The following METTL16 variants were observed in gnomAD, a reference collection of about 807,000 sequenced individuals.
The protein encoded by METTL16 is methyltransferase 16, RNA N6-adenosine.
In METTL16, 19 loss-of-function variants were observed where a neutral mutation model predicts 57.9. The observed-to-expected ratio is 0.33, with a 90% CI of 0.23 to 0.48. The LOEUF is 0.48. Ranked by LOEUF, METTL16 falls within the 20% of genes least tolerant of loss-of-function variation. The probability of loss-of-function intolerance (pLI) is 0.99; values close to 1 mark genes in which losing one functional copy is unlikely to be tolerated. For synonymous variants in METTL16, 246 were observed against 255.6 expected (o/e 0.96, Z 0.36); for missense variants, 434 against 691.5 (o/e 0.63, Z 4.18).
chr17:2,496,849 C>T (rs2067449556), intron 2 of METTL16, among the ~76,000 whole-genome samples: 1 of 151,534 alleles, frequency 6.6e-6, no homozygotes, highest in African/African-American at 2.4e-5. Context: ...TTCCACCTTC[C>T]ACCCTGTGAG....
At chr17:2,462,459 C>A (rs564735961) in intron 6 of METTL16, among the ~76,000 whole-genome samples, 1 of 152,272 alleles carries the variant, frequency 6.6e-6, no homozygotes, top group East Asian at 1.9e-4. Flanking sequence ...GATGGCGATA[C>A]GGTTTGGATT....
chr17:2,502,705 G>A (rs1029232954), intron 1 of METTL16, among the ~76,000 whole-genome samples: 1 of 151,828 alleles, frequency 6.6e-6, no homozygotes, highest in Non-Finnish European at 1.5e-5. Flanking sequence ...AAAAAAATCA[G>A]TGGGGAAAGC....
chr17:2,504,476 C>T (rs2151580877), intron 1 of METTL16, among the ~76,000 whole-genome samples: 1 of 152,126 alleles, frequency 6.6e-6, no homozygotes, highest in Middle Eastern at 3.4e-3. Flanking sequence ...CCTTTAAGAG[C>T]ATCAAAGTGA....
At chr17:2,449,473 G>T (rs1298203175) in intron 6 of METTL16, among the ~76,000 whole-genome samples, 1 of 152,070 alleles carries the variant, frequency 6.6e-6, no homozygotes, top group Non-Finnish European at 1.5e-5. Context: ...CTCCCAACGT[G>T]CTGGGATTAC....
At chr17:2,466,299 G>C (rs147568664) in intron 5 of METTL16, among the ~76,000 whole-genome samples, 2 of 151,826 alleles carry the variant, frequency 1.3e-5, no homozygotes, top group African/African-American at 2.4e-5. Context: ...GGTCCAATGA[G>C]AAGAAAATCA....
chr17:2,422,483 G>A (rs1002833369), intron 8 of METTL16, among the ~76,000 whole-genome samples: 6 of 151,856 alleles, frequency 4.0e-5, no homozygotes, highest in Non-Finnish European at 5.9e-5. Flanking sequence ...GGTTTCAAGC[G>A]ATTCTCCTGC....
chr17:2,492,369 T>G (rs1156274040), intron 2 of METTL16, among the ~76,000 whole-genome samples: 1 of 148,468 alleles, frequency 6.7e-6, no homozygotes, highest in Admixed American at 6.6e-5. Context: ...CAGATATGAT[T>G]ATAACAAAGC....
At chr17:2,495,963 A>C (rs2067442176) in intron 2 of METTL16, among the ~76,000 whole-genome samples, 3 of 151,114 alleles carry the variant, frequency 2.0e-5, no homozygotes, top group Non-Finnish European at 2.9e-5. Context: ...TACAAAAATT[A>C]TTTGGGCGTG....
At chr17:2,488,262 A>C (rs552421531) in intron 2 of METTL16, among the ~76,000 whole-genome samples, 2 of 152,330 alleles carry the variant, frequency 1.3e-5, no homozygotes, top group Admixed American at 1.3e-4. Flanking sequence ...GCCTTTAAAA[A>C]GAAGGAAATC....
intron 2 of METTL16, among the ~76,000 whole-genome samples, chr17:2,483,145 C>T (rs1224082764): frequency 6.6e-6 from 1 of 151,976 alleles, no homozygotes; most frequent in Non-Finnish European, 1.5e-5. Context: ...TTACAATAAA[C>T]TGTTTTAAAC....
At chr17:2,422,940 G>A (rs1009549274) in intron 8 of METTL16, among the ~76,000 whole-genome samples, 3 of 152,058 alleles carry the variant, frequency 2.0e-5, no homozygotes, top group Admixed American at 1.3e-4. Context: ...ATGAGATTGC[G>A]CCACTGCACT....
intron 2 of METTL16, 92 bp from the exon 3 acceptor site, chr17:2,477,977 C>G (rs1772547092): frequency 2.0e-6 from 2 of 1,012,498 alleles, no homozygotes; most frequent in African/African-American, 1.6e-5. Context: ...AAATACCCAT[C>G]CGAACCTCCC....
At position 2,418,403 on chromosome 17, in the gene METTL16, C is replaced by G. The variant is rs1355787085; in HGVS notation, c.*1567G>C. 6.6e-6 allele frequency: 1 copy of G among 152,208 alleles called. No individual in the cohort carries two copies. The highest frequency in any genetic ancestry group is 2.4e-5 in the African/African-American group (1 of 41,438). The allele number at this position is 152,208 out of a possible 1,614,324, so 9.4% of individuals were successfully genotyped here. On this transcript the variant is annotated 3_prime_UTR_variant, in exon 10 of 10. Coordinates refer to ENST00000263092, the MANE Select transcript of METTL16 (RefSeq NM_024086.4). ...ATCATGAGTTCGAGATTAGCCTGGCCAACATGGTGAAATCCCATCTCTACC... is the reference window on the plus strand; with the variant it reads ...ATCATGAGTTCGAGATTAGCCTGGCGAACATGGTGAAATCCCATCTCTACC...
At chr17:2,485,131 G>A (rs1298624598) in intron 2 of METTL16, among the ~76,000 whole-genome samples, 1 of 152,040 alleles carries the variant, frequency 6.6e-6, no homozygotes, top group Non-Finnish European at 1.5e-5. Flanking sequence ...CCTCAGCTCC[G>A]CCTCCTGTCA....
At chr17:2,504,080 C>T (rs1027525318) in intron 1 of METTL16, among the ~76,000 whole-genome samples, 1 of 152,078 alleles carries the variant, frequency 6.6e-6, no homozygotes, top group Non-Finnish European at 1.5e-5. Context: ...CATGGAAGAA[C>T]CCTGAAAACA....
intron 2 of METTL16, among the ~76,000 whole-genome samples, chr17:2,491,495 T>C (rs902584545): frequency 2.0e-5 from 3 of 152,198 alleles, no homozygotes; most frequent in African/African-American, 7.2e-5. Flanking sequence ...GGTTGGTTTC[T>C]AGTCTTTAGA....
Position 2,420,132 on chromosome 17 carries a change from TC to T in METTL16, c.1526del (p.Gly509GlufsTer11), listed in dbSNP as rs1344727929. ...PVAERGKRLP[G>X]VAGQYLFKCL... The stretch of plus-strand genomic sequence containing the variant: ...ACTTAAACAGGTACTGTCCGGCCAC[TC>T]CTGGGAGACGTTTCCCCCTTTCAGC... On this transcript the variant is annotated frameshift_variant, in exon 10 of 10. Coordinates refer to ENST00000263092, the MANE Select transcript of METTL16 (RefSeq NM_024086.4). LOFTEE classifies it high-confidence loss of function. This position sits in a 1 kb window ranked among gnomAD's most constrained non-coding sequence, Gnocchi z 5.4. The T allele has an allele frequency of 6.2e-7, 1 of 1,614,124 alleles. No homozygotes were observed. The highest frequency in any genetic ancestry group is 1.3e-5 in the African/African-American group (1 of 74,934).
At chr17:2,441,789 C>T (rs2066954064) in intron 6 of METTL16, among the ~76,000 whole-genome samples, 1 of 152,126 alleles carries the variant, frequency 6.6e-6, no homozygotes, top group Non-Finnish European at 1.5e-5. Context: ...ATGTACTTAG[C>T]CTCTCCAATG....
chr17:2,502,462 G>C (rs759036136), intron 1 of METTL16, 131 bp from the exon 2 acceptor site: 26 of 754,426 alleles, frequency 3.4e-5, no homozygotes, highest in South Asian at 2.0e-4. Context: ...CCTGATTCAG[G>C]AGTTCAAGAC....
Sources: gnomAD v4.1 joint callset for allele counts (sites outside exome capture counted in the v4.1 genomes callset) on GRCh38, gnomAD v4.1.1 for gene constraint, Gnocchi (gnomAD v3.1) non-coding constraint, MANE v1.5 for transcripts, NCBI Gene and HGNC (gene_info 2026-07-23, HGNC 2026-07-21) for gene names.